ZBTB20: variants seen among roughly 807,000 people sequenced by gnomAD.
The protein encoded by ZBTB20 is zinc finger and BTB domain-containing protein 20.
A neutral mutation model predicts 56.9 loss-of-function variants in ZBTB20; 9 were observed. The observed-to-expected ratio is 0.16, with a 90% CI of 0.10 to 0.28. The LOEUF (loss-of-function observed/expected upper bound fraction) is 0.28. Among genes scored for constraint, ZBTB20 ranks in the 10% least tolerant of loss-of-function variants. The pLI, the probability that ZBTB20 is intolerant of heterozygous loss-of-function variation, is 1.00. For synonymous variants in ZBTB20, 417 were observed against 420.7 expected (o/e 0.99, Z 0.11); for missense variants, 655 against 1,003.0 (o/e 0.65, Z 4.69).
chr3:114,938,023 C>T (rs1481514549), intron 3 of ZBTB20, among the ~76,000 whole-genome samples: 2 of 151,860 alleles, frequency 1.3e-5, no homozygotes, highest in Admixed American at 6.6e-5. Flanking sequence ...GGCGTGGAGG[C>T]AGGAGAATGG....
intron 6 of ZBTB20, among the ~76,000 whole-genome samples, chr3:114,594,516 C>T (rs1020472721): frequency 3.9e-5 from 6 of 152,044 alleles, no homozygotes; most frequent in Admixed American, 2.6e-4. Flanking sequence ...CCGCCCACCT[C>T]GGCCTCCCAA....
chr3:115,079,337 A>C (rs921274139), intron 1 of ZBTB20, among the ~76,000 whole-genome samples: 18 of 152,114 alleles, frequency 1.2e-4, no homozygotes, highest in African/African-American at 4.3e-4. Context: ...TAGCTACAAA[A>C]TATCATAATC....
chr3:114,481,828 C>A (rs1234492488), intron 7 of ZBTB20, among the ~76,000 whole-genome samples: 1 of 152,154 alleles, frequency 6.6e-6, no homozygotes, highest in Non-Finnish European at 1.5e-5. Context: ...GGAGTCACAG[C>A]AGGTTTGTTC....
intron 1 of ZBTB20, among the ~76,000 whole-genome samples, chr3:115,095,107 A>G (rs1218038354): frequency 6.6e-6 from 1 of 152,156 alleles, no homozygotes; most frequent in Admixed American, 6.6e-5. Flanking sequence ...AATTACTTCC[A>G]ATATCAAGAA....
chr3:115,113,240 A>G (rs2083929028), intron 1 of ZBTB20, among the ~76,000 whole-genome samples: 1 of 152,196 alleles, frequency 6.6e-6, no homozygotes, highest in African/African-American at 2.4e-5. Flanking sequence ...CTGTGTTTAA[A>G]AGGTTTAATT....
chr3:115,045,843 T>C (rs181297551), intron 2 of ZBTB20, among the ~76,000 whole-genome samples: 1 of 152,294 alleles, frequency 6.6e-6, no homozygotes, highest in Admixed American at 6.5e-5. Flanking sequence ...TTTCTCCTCA[T>C]ATTTTAAGAT....
At chr3:114,652,543 T>C (rs1016297337) in intron 6 of ZBTB20, among the ~76,000 whole-genome samples, 3 of 152,038 alleles carry the variant, frequency 2.0e-5, no homozygotes, top group South Asian at 4.1e-4. Context: ...AACAATATGG[T>C]AGGCATATGC....
At chr3:115,076,835 T>C (rs918613605) in intron 1 of ZBTB20, among the ~76,000 whole-genome samples, 1 of 152,226 alleles carries the variant, frequency 6.6e-6, no homozygotes, top group Non-Finnish European at 1.5e-5. Flanking sequence ...AGACAATTTA[T>C]CCAAGGACAG....
intron 6 of ZBTB20, among the ~76,000 whole-genome samples, chr3:114,684,082 T>C (rs770080701): frequency 1.6e-4 from 25 of 152,138 alleles, no homozygotes; most frequent in Non-Finnish European, 2.2e-4. Context: ...GGACAGTAAA[T>C]CCTACACTGT....
chr3:114,532,718 T>C (rs1268061360), intron 6 of ZBTB20, among the ~76,000 whole-genome samples: 3 of 152,146 alleles, frequency 2.0e-5, no homozygotes, highest in Non-Finnish European at 4.4e-5. Context: ...CAGGGGTCAA[T>C]AGACAGCTCA....
At chr3:114,787,331 T>TTTATATA (rs1465612106) in intron 5 of ZBTB20, among the ~76,000 whole-genome samples, 4 of 100,604 alleles carry the variant, frequency 4.0e-5, no homozygotes, top group Non-Finnish European at 5.5e-5. Flanking sequence ...TCTTAAAAGG[T>TTTATATA]TATATATATA....
At position 114,549,352 on chromosome 3, in the gene ZBTB20, ACTT is replaced by A. The variant is rs1014223584; in HGVS notation, c.-294-48964_-294-48962del. 1.6e-4 allele frequency among the ~76,000 whole-genome samples: 24 copies of A among 152,258 alleles called. No individual in the cohort carries two copies. In the South Asian group the frequency reaches 2.7e-3, roughly 17 times the overall value. ...GTACAGTGGGACAATTACATATAACACTTCTTCTATCAGCCCTATGTTTCTATG... is the reference window on the plus strand; with the variant it reads ...GTACAGTGGGACAATTACATATAACACTTCTATCAGCCCTATGTTTCTATG... On this transcript the variant is annotated intron_variant, in intron 6 of 11. Transcript: ENST00000675478.
At chr3:114,959,631 G>A (rs916149283) in intron 3 of ZBTB20, among the ~76,000 whole-genome samples, 5 of 151,282 alleles carry the variant, frequency 3.3e-5, no homozygotes, top group African/African-American at 1.2e-4. Flanking sequence ...AACAAGTAAG[G>A]AAATTCAAAC....
At chr3:114,905,377 A>C (rs2075282229) in intron 3 of ZBTB20, among the ~76,000 whole-genome samples, 1 of 151,872 alleles carries the variant, frequency 6.6e-6, no homozygotes, top group Non-Finnish European at 1.5e-5. Flanking sequence ...TAGTTTAGAT[A>C]TTATCTCCTC....
intron 4 of ZBTB20, among the ~76,000 whole-genome samples, chr3:114,831,294 G>A (rs1210086652): frequency 6.6e-6 from 1 of 151,722 alleles, no homozygotes; most frequent in East Asian, 1.9e-4. Context: ...AAGGGCGCAA[G>A]CTCAGAAACC....
chr3:115,140,618 T>C (rs2084787781), intron 1 of ZBTB20, among the ~76,000 whole-genome samples: 2 of 152,162 alleles, frequency 1.3e-5, no homozygotes, highest in East Asian at 1.9e-4. Flanking sequence ...GTTCTATTAA[T>C]AGTTTCCTTT....
intron 11 of ZBTB20, among the ~76,000 whole-genome samples, chr3:114,342,335 A>T (rs1409271401): frequency 6.6e-6 from 1 of 152,258 alleles, no homozygotes; most frequent in Non-Finnish European, 1.5e-5. Flanking sequence ...AAAAGTGAAG[A>T]TAAATGGTCA....
chr3:114,914,540 T>G (rs1278849859), intron 3 of ZBTB20, among the ~76,000 whole-genome samples: 1 of 151,988 alleles, frequency 6.6e-6, no homozygotes, highest in African/African-American at 2.4e-5. Context: ...GCTTTCCAGT[T>G]TGGATGAGCA....
chr3:114,844,082 G>A (rs551545481), intron 4 of ZBTB20, among the ~76,000 whole-genome samples: 33 of 151,638 alleles, frequency 2.2e-4, no homozygotes, highest in African/African-American at 7.5e-4. Flanking sequence ...TTAAGTGAAT[G>A]GATAAACAAA....
Sources: allele counts gnomAD v4.1 joint callset (sites outside exome capture counted in the v4.1 genomes callset), GRCh38; gene constraint gnomAD v4.1.1; transcripts MANE v1.5; gene names NCBI Gene and HGNC (gene_info 2026-07-23, HGNC 2026-07-21).